Variants in MALRD1 observed in about 807,000 individuals in gnomAD.
The protein encoded by MALRD1 is MAM and LDL-receptor class A domain-containing protein 1.
MALRD1 carries 247 observed loss-of-function variants against 242.1 expected under a neutral mutation model. That is an observed-to-expected ratio of 1.02 (90% CI 0.92 to 1.13). The LOEUF (loss-of-function observed/expected upper bound fraction) is 1.13. Among genes scored for constraint, MALRD1 ranks in the 50% most tolerant of loss-of-function variants. The pLI, the probability that MALRD1 is intolerant of heterozygous loss-of-function variation, is 0.00. For synonymous variants in MALRD1, 995 were observed against 866.6 expected, an observed-to-expected ratio of 1.15 and a Z score of -2.60; for missense variants, 2,989 against 2,533.1, an observed-to-expected ratio of 1.18 and a Z score of -3.86.
chr10:19,615,627 G>T (rs1036669157), intron 35 of MALRD1, among the ~76,000 whole-genome samples: 1 of 151,546 alleles, frequency 6.6e-6, no homozygotes. Context: ...CTGTTTTTGC[G>T]GATTATTCAA....
At chr10:19,440,770 T>C (rs1225135006) in intron 28 of MALRD1, among the ~76,000 whole-genome samples, 2 of 152,202 alleles carry the variant, frequency 1.3e-5, no homozygotes, top group Middle Eastern at 3.2e-3. Context: ...TGGTTCCAGG[T>C]CTTTGCTATT....
At position 19,689,397 on chromosome 10, in the gene MALRD1, A is replaced by G. The variant is rs368969744; in HGVS notation, c.6138-2885A>G. On this transcript the variant is annotated intron_variant, in intron 36 of 39. Coordinates refer to ENST00000454679, the MANE Select transcript of MALRD1 (RefSeq NM_001142308.3). ...GTAATTTCCTTGACACTTCAAGCAT[A>G]TATTGTTATTAATGTAATAAACATC... Among the ~76,000 whole-genome samples, 7 of 152,322 alleles carry G rather than the reference A, an allele frequency of 4.6e-5. No individual in the cohort carries two copies. The East Asian group carries it at 1.4e-3, about 29-fold the overall frequency.
At chr10:19,429,993 T>C (rs1834057062) in intron 28 of MALRD1, among the ~76,000 whole-genome samples, 1 of 152,192 alleles carries the variant, frequency 6.6e-6, no homozygotes. Flanking sequence ...TAACTCACTA[T>C]TGATGTTCTC....
chr10:19,065,852 G>A (rs1439186639), intron 1 of MALRD1, among the ~76,000 whole-genome samples: 2 of 152,118 alleles, frequency 1.3e-5, no homozygotes, highest in East Asian at 3.9e-4. Context: ...TTAATTTCAG[G>A]AGTACGTCTC....
At chr10:19,154,216 C>T (rs575452644) in intron 11 of MALRD1, among the ~76,000 whole-genome samples, 1 of 152,262 alleles carries the variant, frequency 6.6e-6, no homozygotes, top group Non-Finnish European at 1.5e-5. Flanking sequence ...GACACTGCTG[C>T]CTCACATCCT....
chr10:19,126,454 CTT>C (rs1837285718), intron 7 of MALRD1, among the ~76,000 whole-genome samples: 1 of 152,026 alleles, frequency 6.6e-6, no homozygotes, highest in African/African-American at 2.4e-5. Context: ...TGAATTTTCT[CTT>C]TGACACTATG....
At chr10:19,138,699 C>A (rs1441033768) in intron 10 of MALRD1, among the ~76,000 whole-genome samples, 1 of 152,114 alleles carries the variant, frequency 6.6e-6, no homozygotes, top group Non-Finnish European at 1.5e-5. Flanking sequence ...GGATTACAGA[C>A]ATGAGCCACT....
At chr10:19,657,670 C>G (rs1841224901) in intron 36 of MALRD1, among the ~76,000 whole-genome samples, 1 of 152,016 alleles carries the variant, frequency 6.6e-6, no homozygotes, top group Non-Finnish European at 1.5e-5. Flanking sequence ...TCCATCACCT[C>G]AAGCATTTAT....
At chr10:19,064,130 T>C (rs1480083313) in intron 1 of MALRD1, among the ~76,000 whole-genome samples, 1 of 152,086 alleles carries the variant, frequency 6.6e-6, no homozygotes, top group African/African-American at 2.4e-5. Flanking sequence ...CTGCAGTACA[T>C]CTGACCTTTG....
At chr10:19,317,537 A>G (rs925241306) in intron 21 of MALRD1, among the ~76,000 whole-genome samples, 30 of 152,016 alleles carry the variant, frequency 2.0e-4, no homozygotes, top group African/African-American at 7.0e-4. Context: ...CTTGTCAGAT[A>G]TGCTAAAACA....
chr10:19,524,309 C>G (rs1301537891), intron 31 of MALRD1, among the ~76,000 whole-genome samples: 1 of 151,948 alleles, frequency 6.6e-6, no homozygotes, highest in Non-Finnish European at 1.5e-5. Flanking sequence ...AACCCTGTCT[C>G]TACTAAAAAT....
rs1846141647 is a variant in MALRD1, at chr10:19,387,634, G to A, written c.4548G>A (p.Glu1516=). The A allele has an allele frequency of 6.4e-7, 1 of 1,550,410 alleles. No homozygotes were observed. The highest frequency in any genetic ancestry group is 8.7e-7 in the Non-Finnish European group (1 of 1,146,886). Residue 1516 remains glutamate (E), a synonymous_variant, in exon 27 of 40, where the codon GAG becomes GAA. Transcript: ENST00000454679. ...DNCGDNTDEN[E]CGSSCTFEKG... is the part of the protein sequence containing the mutation. ...GTGGAGATAATACTGATGAAAATGA[G>A]TGTGGTAGCTCCTGTACTTTTGAAA...
chr10:19,149,588 A>G (rs1423413922), intron 11 of MALRD1, among the ~76,000 whole-genome samples: 2 of 152,170 alleles, frequency 1.3e-5, no homozygotes, highest in African/African-American at 4.8e-5. Context: ...TTTAAGAAAT[A>G]TATTATCTTG....
chr10:19,401,543 A>T (rs1255306350), intron 28 of MALRD1, among the ~76,000 whole-genome samples: 1 of 152,146 alleles, frequency 6.6e-6, no homozygotes, highest in South Asian at 2.1e-4. Flanking sequence ...TTAACTTTTA[A>T]TTTTTTCTTG....
intron 34 of MALRD1, among the ~76,000 whole-genome samples, chr10:19,601,949 C>G (rs372220202): frequency 2.0e-5 from 3 of 151,916 alleles, no homozygotes; most frequent in East Asian, 3.9e-4. Flanking sequence ...TATGTATGCA[C>G]ACAAAAATTT....
intron 28 of MALRD1, among the ~76,000 whole-genome samples, chr10:19,408,611 A>C (rs922058855): frequency 6.6e-6 from 1 of 152,232 alleles, no homozygotes; most frequent in Non-Finnish European, 1.5e-5. Context: ...TGGGCAAAAG[A>C]TATAAAGAGA....
intron 33 of MALRD1, among the ~76,000 whole-genome samples, chr10:19,576,599 A>G (rs1352905659): frequency 6.6e-6 from 1 of 152,206 alleles, no homozygotes; most frequent in Non-Finnish European, 1.5e-5. Flanking sequence ...CTTATTCTTT[A>G]GTACACCTAC....
chr10:19,099,300 C>A (rs530314588), intron 4 of MALRD1, among the ~76,000 whole-genome samples: 1 of 152,220 alleles, frequency 6.6e-6, no homozygotes, highest in East Asian at 1.9e-4. Flanking sequence ...ACTCTTTTAC[C>A]CTCACTATCT....
At chr10:19,656,930 G>C (rs1384074655) in intron 36 of MALRD1, among the ~76,000 whole-genome samples, 1 of 151,644 alleles carries the variant, frequency 6.6e-6, no homozygotes, top group African/African-American at 2.4e-5. Flanking sequence ...GATCTGGTTT[G>C]TTTTTATTTT....
Sources: allele counts gnomAD v4.1 joint callset (sites outside exome capture counted in the v4.1 genomes callset), GRCh38; gene constraint gnomAD v4.1.1; transcripts MANE v1.5; gene names NCBI Gene and HGNC (gene_info 2026-07-23, HGNC 2026-07-21).